Variants in FAS observed in about 807,000 individuals in gnomAD.
FAS encodes tumor necrosis factor receptor superfamily member 6.
Under a neutral mutation model 33.2 loss-of-function variants are expected in FAS, and 5 were observed. That is an observed-to-expected ratio of 0.15 (90% confidence interval 0.08 to 0.32). FAS has a LOEUF of 0.32. Among genes scored for constraint, FAS ranks in the 10% least tolerant of loss-of-function variants. The pLI is 1.00. For synonymous variants in FAS, 131 were observed against 130.7 expected, an observed-to-expected ratio of 1.00 and a Z score of -0.01; for missense variants, 339 against 386.0, an observed-to-expected ratio of 0.88 and a Z score of 1.02.
chr10:88,978,254 TG>T (rs1306676422), intron 2 of FAS, among the ~76,000 whole-genome samples: 1 of 92,230 alleles, frequency 1.1e-5, no homozygotes. Flanking sequence ...TGTTGTGGGG[TG>T]GGGGGAGGGG....
At chr10:89,000,775 G>A (rs959795375) in intron 1 of FAS, among the ~76,000 whole-genome samples, 3 of 152,324 alleles carry the variant, frequency 2.0e-5, no homozygotes, top group South Asian at 2.1e-4. Flanking sequence ...GGCCGGGTGC[G>A]TTGGCTCATG....
chr10:89,002,231 G>A (rs1170443656), intron 1 of FAS, among the ~76,000 whole-genome samples: 1 of 152,210 alleles, frequency 6.6e-6, no homozygotes, highest in African/African-American at 2.4e-5. Flanking sequence ...ATATGAAACA[G>A]CCCAGATTTG....
At chr10:88,968,449 A>G (rs1846361871) in intron 1 of FAS, among the ~76,000 whole-genome samples, 1 of 152,202 alleles carries the variant, frequency 6.6e-6, no homozygotes, top group Non-Finnish European at 1.5e-5. Context: ...GACAACAATA[A>G]CTTTATCCCA....
At chr10:89,004,462 C>A (rs113888393) in intron 2 of FAS, among the ~76,000 whole-genome samples, 92 of 151,582 alleles carry the variant, frequency 6.1e-4, no homozygotes, top group African/African-American at 2.1e-3. Flanking sequence ...TGCACTGCAC[C>A]CACTAACTCG....
intron 1 of FAS, among the ~76,000 whole-genome samples, chr10:88,964,255 G>T (rs976916061): frequency 1.3e-5 from 2 of 152,104 alleles, no homozygotes; most frequent in African/African-American, 2.4e-5. Context: ...AGAAAAAAGC[G>T]AACAGAAGTT....
intron 1 of FAS, among the ~76,000 whole-genome samples, chr10:88,968,427 T>C (rs1846361202): frequency 6.6e-6 from 1 of 152,118 alleles, no homozygotes; most frequent in Non-Finnish European, 1.5e-5. Flanking sequence ...ATGTTTGTTT[T>C]CCTGAATCCA....
intron 1 of FAS, 189 bp downstream of exon 1, chr10:88,991,095 C>T: frequency 1.4e-6 from 1 of 699,628 alleles, no homozygotes; most frequent in Non-Finnish European, 2.5e-6. Flanking sequence ...CCCTCAGGCC[C>T]GGGTGCTCAG....
At chr10:88,989,398 A>G (rs1847031677), upstream of FAS, 3 of 428,930 alleles carry the variant, frequency 7.0e-6, no homozygotes, top group Middle Eastern at 7.1e-4. Flanking sequence ...GATTTCAAAA[A>G]ATTTGCAGAG....
At chr10:88,989,685 T>C (rs992101614), upstream of FAS, 14 of 433,050 alleles carry the variant, frequency 3.2e-5, no homozygotes, top group African/African-American at 2.6e-4. Context: ...AAATGTCAAC[T>C]GAGAGGAAGC....
chr10:88,984,209 C>T (rs1846804570), upstream of FAS, among the ~76,000 whole-genome samples: 1 of 152,146 alleles, frequency 6.6e-6, no homozygotes, highest in Admixed American at 6.5e-5. Context: ...GCAAAGTGTT[C>T]TGATATGTAA....
rs746762050 is a variant in FAS at position 89,003,091 on chromosome 10, C to T, written c.93C>T (p.Asn31=). 4 of 1,614,052 alleles carry T rather than the reference C, an allele frequency of 2.5e-6. No individual in the cohort carries two copies. The highest frequency in any genetic ancestry group is 3.4e-6 in the Non-Finnish European group (4 of 1,179,902). The stretch of plus-strand genomic sequence containing the variant: ...TTAATGCCCAAGTGACTGACATCAA[C>T]TCCAAGGGATTGGAATTGAGGAAGA... ...KSVNAQVTDI[N]SKGLELRKTV... The change falls in exon 2 of 9, where the codon AAC becomes AAT. Residue 31 remains asparagine (N), a synonymous_variant. Transcript: ENST00000652046.
Position 89,012,209 on chromosome 10 carries a change from G to T in FAS, c.651+128G>T, listed in dbSNP as rs896076041. 1.1e-5 allele frequency: 9 copies of T among 810,522 alleles called. No individual in the cohort carries two copies. In the Admixed American group the frequency reaches 1.9e-4, roughly 17 times the overall value. The allele number at this position is 810,522 out of a possible 1,614,324, so 50.2% of individuals were successfully genotyped here. A position where few individuals can be genotyped will look rare whatever the true frequency, so the allele number is the denominator to read the frequency against. On this transcript the variant is annotated intron_variant, in intron 7 of 8. Transcript: ENST00000652046. Reference sequence around the variant, plus strand: ...TTCATTTTGTTTGAGATGGAGTCTTGCTCCATAGCCCAGGCTGGAGTGCAG... The same window carrying T: ...TTCATTTTGTTTGAGATGGAGTCTTTCTCCATAGCCCAGGCTGGAGTGCAG...
chr10:88,975,347 A>G (rs1846537027), intron 2 of FAS, among the ~76,000 whole-genome samples: 1 of 152,244 alleles, frequency 6.6e-6, no homozygotes, highest in Non-Finnish European at 1.5e-5. Context: ...TATTAGCTCC[A>G]TGCAGAAAAA....
upstream of FAS, among the ~76,000 whole-genome samples, chr10:88,983,379 C>T (rs944074071): frequency 6.6e-6 from 1 of 151,954 alleles, no homozygotes; most frequent in African/African-American, 2.4e-5. Flanking sequence ...AACAGAACAA[C>T]AAAACAAGAA....
intron 4 of FAS, 96 bp downstream of exon 4, chr10:89,009,093 G>A (rs1301368565): frequency 8.4e-7 from 1 of 1,184,794 alleles, no homozygotes; most frequent in Admixed American, 1.7e-5. Flanking sequence ...TAAGAATTAG[G>A]GTTCTAGTCC....
Position 89,015,240 on chromosome 10 carries a change from G to A in FAS, c.*790G>A, listed in dbSNP as rs1245348727. The A allele has an allele frequency of 1.9e-6, 1 of 534,644 alleles. No individual in the cohort carries two copies. The allele number at this position is 534,644 out of a possible 1,614,324, so 33.1% of individuals were successfully genotyped here. A position where few individuals can be genotyped will look rare whatever the true frequency, so the allele number is the denominator to read the frequency against. On this transcript the variant is annotated 3_prime_UTR_variant, in exon 9 of 9. Transcript: ENST00000652046. ...TTGGTGCTCATCTTAATGGCCTAAT[G>A]CACCCCCAAACATGGAAATATCACC...
At chr10:88,984,682 T>C (rs1013778452), upstream of FAS, among the ~76,000 whole-genome samples, 2 of 151,670 alleles carry the variant, frequency 1.3e-5, no homozygotes, top group African/African-American at 2.4e-5. Flanking sequence ...TTCTTATGTT[T>C]AGTTATTCAT....
rs1848796404 is a variant in FAS, at chr10:89,016,121, C to T, written c.*1671C>T. ...TATTCTTTCCTGCATATTATCCATT[C>T]TAGCTACATGCTGGCCAGTGGGCCA... On this transcript the variant is annotated 3_prime_UTR_variant, in exon 9 of 9. Transcript: ENST00000652046. 1 of 223,698 alleles carries T rather than the reference C, an allele frequency of 4.5e-6. No individual in the cohort carries two copies. Among genetic ancestry groups the T allele is most frequent in the East Asian group, 6.6e-5 (1 of 15,216 alleles). 13.9% of individuals were successfully genotyped at this position (223,698 alleles called of 1,614,324 possible). A position where few individuals can be genotyped will look rare whatever the true frequency, so the allele number is the denominator to read the frequency against.
intron 2 of FAS, chr10:88,974,653 G>C (rs1351159448): frequency 2.6e-5 from 4 of 152,178 alleles, no homozygotes; most frequent in African/African-American, 9.7e-5. Flanking sequence ...TGCCTGGCTA[G>C]TTAATGGTTA....
Sources: gnomAD v4.1 joint callset for allele counts (sites outside exome capture counted in the v4.1 genomes callset) on GRCh38, gnomAD v4.1.1 for gene constraint, MANE v1.5 for transcripts, NCBI Gene and HGNC (gene_info 2026-07-23, HGNC 2026-07-21) for gene names.